NLRP4: variants seen among roughly 807,000 people sequenced by gnomAD.
NLRP4 encodes the protein NACHT, LRR and PYD domains-containing protein 4.
In NLRP4, 44 loss-of-function variants were observed where a neutral mutation model predicts 84.7. The observed-to-expected ratio is 0.52, with a 90% CI of 0.41 to 0.67. The LOEUF is 0.67. Among genes scored for constraint, NLRP4 ranks in the 30% least tolerant of loss-of-function variants. The pLI is 0.00. For synonymous variants in NLRP4, 544 were observed against 476.4 expected, an observed-to-expected ratio of 1.14 and a Z score of -1.85; for missense variants, 1,260 against 1,219.4, an observed-to-expected ratio of 1.03 and a Z score of -0.50.
intron 3 of NLRP4, among the ~76,000 whole-genome samples, chr19:55,861,124 A>AT (rs1984731964): frequency 6.6e-6 from 1 of 152,122 alleles, no homozygotes; most frequent in Non-Finnish European, 1.5e-5. Context: ...TACTCACTAG[A>AT]TGCCAGAAGC....
At position 55,851,136 on chromosome 19, in the gene NLRP4, TGCGGTGTAATTTACGA is replaced by T. The variant is rs1568659609; in HGVS notation, c.-65-878_-65-863del. On this transcript the variant is annotated intron_variant, in intron 1 of 9. Coordinates refer to ENST00000301295, the MANE Select transcript of NLRP4 (RefSeq NM_134444.5). ...GTGGCTGCGGTGTAATGTCCGAGGC[TGCGGTGTAATTTACGA>T]GGCTGCGGTGTAATGTCCGTGGCTG... Among the ~76,000 whole-genome samples, 30 of 84,988 alleles carry T rather than the reference TGCGGTGTAATTTACGA, an allele frequency of 3.5e-4. 1 individual carries two copies. The highest frequency in any genetic ancestry group is 4.3e-4 in the Non-Finnish European group (21 of 48,604). 55.8% of individuals were successfully genotyped at this position (84,988 alleles called of 152,430 possible). A position where few individuals can be genotyped will look rare whatever the true frequency, so the allele number is the denominator to read the frequency against.
chr19:55,839,965 C>G (rs1983543737), intron 1 of NLRP4, among the ~76,000 whole-genome samples: 1 of 152,124 alleles, frequency 6.6e-6, no homozygotes, highest in Admixed American at 6.5e-5. Flanking sequence ...TCATAGATTA[C>G]TTAGAAGTAT....
intron 9 of NLRP4, 148 bp from the exon 10 acceptor site, chr19:55,881,322 G>C: frequency 1.9e-6 from 1 of 532,584 alleles, no homozygotes; most frequent in Non-Finnish European, 3.4e-6. Context: ...TCAGCATACC[G>C]CTGCATTTGA....
intron 1 of NLRP4, among the ~76,000 whole-genome samples, chr19:55,844,673 G>T (rs894751504): frequency 6.6e-6 from 1 of 152,118 alleles, no homozygotes; most frequent in South Asian, 2.1e-4. Context: ...ACAGCTAATT[G>T]CATCTGCAAG....
intron 1 of NLRP4, among the ~76,000 whole-genome samples, chr19:55,842,691 T>G (rs1023005362): frequency 5.3e-5 from 8 of 152,122 alleles, no homozygotes; most frequent in African/African-American, 1.9e-4. Flanking sequence ...TTTTCAAAAT[T>G]TCCTATAGTG....
At chr19:55,869,078 C>T (rs1326421609) in intron 6 of NLRP4, among the ~76,000 whole-genome samples, 2 of 152,084 alleles carry the variant, frequency 1.3e-5, no homozygotes, top group African/African-American at 4.8e-5. Context: ...ACAGGTGAGT[C>T]CTAGAATTGT....
At chr19:55,873,048 C>T (rs543122794) in intron 7 of NLRP4, among the ~76,000 whole-genome samples, 1 of 152,192 alleles carries the variant, frequency 6.6e-6, no homozygotes, top group Non-Finnish European at 1.5e-5. Flanking sequence ...ACCTAGAATT[C>T]TATAGCCACC....
At chr19:55,855,177 T>G (rs555691471) in intron 2 of NLRP4, among the ~76,000 whole-genome samples, 8 of 152,302 alleles carry the variant, frequency 5.3e-5, no homozygotes, top group Non-Finnish European at 1.0e-4. Flanking sequence ...GCCACTGCAC[T>G]CCAGCCTGGG....
intron 6 of NLRP4, among the ~76,000 whole-genome samples, chr19:55,870,446 T>C (rs1985131003): frequency 6.6e-6 from 1 of 152,226 alleles, no homozygotes; most frequent in Non-Finnish European, 1.5e-5. Context: ...GCAGATCACC[T>C]GAGGTCCGGA....
Position 55,858,057 on chromosome 19 carries a change from C to G in NLRP4, c.664C>G (p.Gln222Glu). 6.2e-7 allele frequency: 1 copy of G among 1,614,128 alleles called. No individual in the cohort carries two copies. Residue 222 changes from glutamine (Q) to glutamate (E), a missense_variant, in exon 3 of 10, where the codon CAA (glutamine) becomes GAA (glutamate). Gln to Glu is a conservative substitution (Grantham distance 29, BLOSUM62 2). Around this residue, in one of 3 missense-constraint regions of NLRP4, gnomAD observed 712 missense variants for 669.2 expected, o/e 1.06. Coordinates refer to ENST00000301295, the MANE Select transcript of NLRP4 (RefSeq NM_134444.5). This position sits in a 1 kb window ranked among gnomAD's most constrained non-coding sequence, Gnocchi z 4.2. ...TGCTCCTATAACAGAGATCGTGTCT[C>G]AACCGGAGAGACTCTTGTTCGTCAT... ...PAAPITEIVSQPERLLFVIDS... is the reference protein window; with the variant it reads ...PAAPITEIVSEPERLLFVIDS...
chr19:55,856,705 A>G (rs36113692), intron 2 of NLRP4, among the ~76,000 whole-genome samples: 21,778 of 151,580 alleles, frequency 0.14, 1,778 homozygotes, highest in Non-Finnish European at 0.17. Flanking sequence ...TAGTAGAGAC[A>G]GGGTTTCACC....
At chr19:55,870,552 A>G (rs1985135395) in intron 6 of NLRP4, among the ~76,000 whole-genome samples, 1 of 152,256 alleles carries the variant, frequency 6.6e-6, no homozygotes, top group South Asian at 2.1e-4. Context: ...AATCTCAGCT[A>G]CTTGGGAGGC....
intron 1 of NLRP4, among the ~76,000 whole-genome samples, chr19:55,840,242 C>T (rs1983553773): frequency 1.3e-5 from 2 of 151,874 alleles, no homozygotes; most frequent in African/African-American, 4.8e-5. Context: ...ATTGCTGGAA[C>T]AAATTGATAA....
At chr19:55,849,984 AATTTCCGAGACTGCGGTGTG>A (rs762151241) in intron 1 of NLRP4, among the ~76,000 whole-genome samples, 55,705 of 74,918 alleles carry the variant, frequency 0.74, 22,995 homozygotes, top group Admixed American at 0.83. Context: ...GCTGCGGTGT[AATTTCCGAGACTGCGGTGTG>A]ATTTCCGAGA....
Position 55,878,836 on chromosome 19 carries a change from CG to C in NLRP4, c.2740del (p.Ala914ArgfsTer15). The C allele has an allele frequency of 1.9e-6, 3 of 1,613,654 alleles. No individual in the cohort carries two copies. The highest frequency in any genetic ancestry group is 2.5e-6 in the Non-Finnish European group (3 of 1,179,728). On this transcript the variant is annotated frameshift_variant, in exon 9 of 10. Transcript: ENST00000301295. LOFTEE classifies it high-confidence loss of function. ...GLTSTCCKDL[A>X]SVLTCSKTLQ... The stretch of plus-strand genomic sequence containing the variant: ...TAACGAGCACCTGCTGTAAGGATCT[CG>C]CGTCTGTTCTCACCTGCAGTAAGAC...
chr19:55,844,009 T>C (rs1047296153), intron 1 of NLRP4, among the ~76,000 whole-genome samples: 1 of 152,138 alleles, frequency 6.6e-6, no homozygotes, highest in African/African-American at 2.4e-5. Context: ...TACTAACACA[T>C]TGTATTAGCT....
chr19:55,850,161 TGTAATTTCCGTGGCTGC>T (rs1984014993), intron 1 of NLRP4, among the ~76,000 whole-genome samples: 1 of 134,686 alleles, frequency 7.4e-6, no homozygotes, highest in Non-Finnish European at 1.6e-5. Flanking sequence ...GAGGCTGCGG[TGTAATTTCCGTGGCTGC>T]GGTGTAATTT....
At chr19:55,870,415 C>T (rs1263649346) in intron 6 of NLRP4, among the ~76,000 whole-genome samples, 2 of 152,200 alleles carry the variant, frequency 1.3e-5, no homozygotes, top group Non-Finnish European at 2.9e-5. Flanking sequence ...GTAATCCCAG[C>T]ACTTTGGGAG....
Position 55,881,675 on chromosome 19 carries a change from A to C in NLRP4, c.*88A>C. The C allele has an allele frequency of 3.0e-6, 2 of 659,102 alleles. No individual in the cohort carries two copies. The highest frequency in any genetic ancestry group is 2.7e-5 in the East Asian group (1 of 37,406). 40.8% of individuals were successfully genotyped at this position (659,102 alleles called of 1,614,324 possible). On this transcript the variant is annotated 3_prime_UTR_variant, in exon 10 of 10. Coordinates refer to ENST00000301295, the MANE Select transcript of NLRP4 (RefSeq NM_134444.5). ...ACATGACACTGCACCCAGGAGATAC[A>C]AATCATTGATACTCTGAGTTGTGAG...
Sources: gnomAD v4.1 joint callset for allele counts (sites outside exome capture counted in the v4.1 genomes callset) on GRCh38, gnomAD v4.1.1 for gene constraint, gnomAD v4.1.1 regional missense constraint, Gnocchi (gnomAD v3.1) non-coding constraint, MANE v1.5 for transcripts, NCBI Gene and HGNC (gene_info 2026-07-23, HGNC 2026-07-21) for gene names.